Variants in CAMK2D observed in about 807,000 individuals in gnomAD.
CAMK2D encodes the protein calcium/calmodulin dependent protein kinase II delta.
A neutral mutation model predicts 84.0 loss-of-function variants in CAMK2D; 37 were observed. The ratio of observed to expected loss-of-function variants is 0.44; its 90% confidence interval spans 0.34 to 0.58. The LOEUF (loss-of-function observed/expected upper bound fraction) is 0.58, where lower values mean the gene tolerates loss of function less well. Among genes scored for constraint, CAMK2D ranks in the 20% least tolerant of loss-of-function variants. CAMK2D has a pLI of 0.02. For missense variants in CAMK2D, 448 were observed against 652.5 expected (o/e 0.69, Z 3.41); for synonymous variants, 202 against 212.5 (o/e 0.95, Z 0.43).
intron 3 of CAMK2D, among the ~76,000 whole-genome samples, chr4:113,614,818 C>T (rs552124096): frequency 2.0e-5 from 3 of 152,152 alleles, no homozygotes; most frequent in Admixed American, 2.0e-4. Flanking sequence ...TCCTCAAATA[C>T]GTTTTTCAAT....
At chr4:113,484,870 T>C (rs886666555) in intron 16 of CAMK2D, among the ~76,000 whole-genome samples, 17 of 152,206 alleles carry the variant, frequency 1.1e-4, no homozygotes, top group African/African-American at 3.6e-4. Context: ...GATTAGACTG[T>C]GCTACCTAAC....
At chr4:113,532,140 T>C (rs2098462826) in intron 7 of CAMK2D, among the ~76,000 whole-genome samples, 1 of 152,076 alleles carries the variant, frequency 6.6e-6, no homozygotes, top group Non-Finnish European at 1.5e-5. Flanking sequence ...AGAAAGAAAC[T>C]TTTTCCCCAT....
chr4:113,547,571 TACAGG>T, intron 6 of CAMK2D, 68 bp downstream of exon 6: 3 of 976,816 alleles, frequency 3.1e-6, no homozygotes, highest in Admixed American at 2.6e-5. Context: ...TTTTTGCCTT[TACAGG>T]CATAATTGCA....
rs888432640 is a variant in CAMK2D, at chr4:113,517,742, C to T, written c.602-85G>A. On this transcript the variant is annotated intron_variant, in intron 8 of 20. Transcript: ENST00000511664. ...TGGCTGATCCACAATGATATTAAGC[C>T]GTAGTTGTTAAAACAGAGAAAACTG... The T allele has an allele frequency of 1.7e-4, 116 of 676,056 alleles. No homozygotes were observed. The Middle Eastern group carries it at 2.3e-3, about 13-fold the overall frequency. The allele number at this position is 676,056 out of a possible 1,614,324, so 41.9% of individuals were successfully genotyped here.
chr4:113,679,355 CT>C, intron 2 of CAMK2D: 1 of 479,354 alleles, frequency 2.1e-6, no homozygotes, highest in Non-Finnish European at 2.7e-6. Context: ...AATTTAGACT[CT>C]TATCCTCTTC....
chr4:113,465,476 T>C (rs1205927360), intron 17 of CAMK2D, 53 bp downstream of exon 17: 3 of 1,006,188 alleles, frequency 3.0e-6, no homozygotes, highest in East Asian at 4.8e-5. Flanking sequence ...TGCATTCATA[T>C]AAAAAATATA....
chr4:113,548,605 GA>G (rs1000802953), intron 5 of CAMK2D: 143 of 887,402 alleles, frequency 1.6e-4, no homozygotes, highest in Admixed American at 3.0e-4. Flanking sequence ...CCTTTCCCCA[GA>G]AAAAAAAATA....
chr4:113,620,911 A>T (rs1191007817), intron 3 of CAMK2D, among the ~76,000 whole-genome samples: 2 of 152,084 alleles, frequency 1.3e-5, no homozygotes, highest in African/African-American at 4.8e-5. Flanking sequence ...AAATCTTATT[A>T]AAGTGTGATT....
intron 2 of CAMK2D, among the ~76,000 whole-genome samples, chr4:113,704,942 A>G (rs949828596): frequency 2.6e-5 from 4 of 152,196 alleles, no homozygotes; most frequent in African/African-American, 9.6e-5. Context: ...GCAGGTTAAA[A>G]AAAAAAAATG....
chr4:113,751,428 A>G (rs1036950376), intron 2 of CAMK2D, among the ~76,000 whole-genome samples: 1 of 152,220 alleles, frequency 6.6e-6, no homozygotes, highest in Non-Finnish European at 1.5e-5. Context: ...TTAATAAGTT[A>G]CTTTTATATA....
intron 2 of CAMK2D, among the ~76,000 whole-genome samples, chr4:113,669,088 CATTAT>C (rs2099269326): frequency 2.6e-5 from 4 of 151,976 alleles, no homozygotes; most frequent in Admixed American, 2.0e-4. Context: ...AGAGATATAA[CATTAT>C]ATATGTTATT....
chr4:113,650,642 G>A (rs1014646978), intron 3 of CAMK2D, among the ~76,000 whole-genome samples: 1 of 152,044 alleles, frequency 6.6e-6, no homozygotes, highest in Admixed American at 6.6e-5. Flanking sequence ...AAAATATAAT[G>A]GGATGTTTTA....
chr4:113,493,490 T>C (rs1185688756), intron 16 of CAMK2D, among the ~76,000 whole-genome samples: 2 of 152,236 alleles, frequency 1.3e-5, no homozygotes, highest in Non-Finnish European at 2.9e-5. Flanking sequence ...TTCTGGCTTG[T>C]AGGGTTTCTG....
In CAMK2D at chr4:113,544,434, G is replaced by A. The variant is rs887970438; in HGVS notation, c.414+3210C>T. 2.6e-5 allele frequency among the ~76,000 whole-genome samples: 4 copies of A among 152,130 alleles called. No individual in the cohort carries two copies. The South Asian group carries it at 6.2e-4, about 24-fold the overall frequency. On this transcript the variant is annotated intron_variant, in intron 6 of 20. Transcript: ENST00000511664. Reference sequence around the variant, plus strand: ...TTTAATTCATCCAACCAACTAAATTGAGAAGTAGTAGTTATTAAGCATGCA... The same window carrying A: ...TTTAATTCATCCAACCAACTAAATTAAGAAGTAGTAGTTATTAAGCATGCA...
chr4:113,596,466 T>A (rs1487551332), intron 4 of CAMK2D, among the ~76,000 whole-genome samples: 1 of 152,236 alleles, frequency 6.6e-6, no homozygotes, highest in Non-Finnish European at 1.5e-5. Context: ...ATCAGAGGAA[T>A]GACTATCTAA....
At chr4:113,507,437 G>GTT (rs71984715) in intron 13 of CAMK2D, among the ~76,000 whole-genome samples, 83 of 146,638 alleles carry the variant, frequency 5.7e-4, no homozygotes, top group South Asian at 1.3e-3. Flanking sequence ...TTGTTTGTTT[G>GTT]TTTTTTTTTT....
intron 2 of CAMK2D, among the ~76,000 whole-genome samples, chr4:113,664,691 C>G (rs2099250736): frequency 6.6e-6 from 1 of 151,970 alleles, no homozygotes; most frequent in African/African-American, 2.4e-5. Flanking sequence ...TCATGTTTTC[C>G]ATATTCAATT....
intron 2 of CAMK2D, among the ~76,000 whole-genome samples, chr4:113,681,627 T>G (rs1450996367): frequency 6.6e-6 from 1 of 152,188 alleles, no homozygotes; most frequent in Admixed American, 6.5e-5. Context: ...AAACATTCAC[T>G]AATCCCAGAA....
chr4:113,685,165 A>G (rs1415497682), intron 2 of CAMK2D, among the ~76,000 whole-genome samples: 1 of 151,468 alleles, frequency 6.6e-6, no homozygotes, highest in Middle Eastern at 3.2e-3. Context: ...TTCTAAGACC[A>G]CCATCATGTG....
Sources: gnomAD v4.1 joint callset for allele counts (sites outside exome capture counted in the v4.1 genomes callset) on GRCh38, gnomAD v4.1.1 for gene constraint, MANE v1.5 for transcripts, NCBI Gene and HGNC (gene_info 2026-07-23, HGNC 2026-07-21) for gene names.